Variants in CNTNAP2 observed in about 807,000 individuals in gnomAD.
The protein encoded by CNTNAP2 is contactin-associated protein-like 2.
Under a neutral mutation model 155.2 loss-of-function variants are expected in CNTNAP2, and 98 were observed. The observed-to-expected ratio is 0.63, with a 90% CI of 0.54 to 0.75. The LOEUF is 0.75. Among genes scored for constraint, CNTNAP2 ranks in the 30% least tolerant of loss-of-function variants. The probability of loss-of-function intolerance (pLI) is 0.00; values close to 1 mark genes in which losing one functional copy is unlikely to be tolerated. For missense variants in CNTNAP2, 1,727 were observed against 1,688.1 expected (o/e 1.02, Z -0.40); for synonymous variants, 651 against 631.2 (o/e 1.03, Z -0.47).
intron 13 of CNTNAP2, among the ~76,000 whole-genome samples, chr7:147,831,045 G>T (rs1309883053): frequency 6.6e-6 from 1 of 152,118 alleles, no homozygotes; most frequent in Non-Finnish European, 1.5e-5. Context: ...CAAGTTAGAG[G>T]AATTCTTATT....
At chr7:148,110,068 C>T (rs577886435) in intron 15 of CNTNAP2, among the ~76,000 whole-genome samples, 2 of 150,308 alleles carry the variant, frequency 1.3e-5, no homozygotes, top group South Asian at 4.2e-4. Context: ...CATTATCTTG[C>T]CATGTTTCAA....
intron 17 of CNTNAP2, among the ~76,000 whole-genome samples, chr7:148,156,593 G>A (rs1805403329): frequency 1.3e-5 from 2 of 152,054 alleles, no homozygotes; most frequent in Non-Finnish European, 1.5e-5. Context: ...AATAATTTGT[G>A]CCAATGTCTC....
At chr7:147,137,872 CGTAG>C (rs1412109419) in intron 8 of CNTNAP2, among the ~76,000 whole-genome samples, 126 of 118,636 alleles carry the variant, frequency 1.1e-3, no homozygotes, top group African/African-American at 3.8e-3. Flanking sequence ...TAGATAGATA[CGTAG>C]ATAGATAGAT....
chr7:147,034,033 G>A lies in CNTNAP2; in HGVS notation c.403-9874G>A, dbSNP rs146831916. ...AGATTGCTGGCTAGCTATATTTATAGCTACTCCTTAATTATATGCTAAATA... is the reference window on the plus strand; with the variant it reads ...AGATTGCTGGCTAGCTATATTTATAACTACTCCTTAATTATATGCTAAATA... On this transcript the variant is annotated intron_variant, in intron 3 of 23. Transcript: ENST00000361727. Among the ~76,000 whole-genome samples the A allele has an allele frequency of 4.2e-3, 639 of 152,274 alleles. 2 individuals are homozygous for A. The highest frequency in any genetic ancestry group is 0.014 in the African/African-American group (595 of 41,556).
At position 146,687,189 on chromosome 7, in the gene CNTNAP2, C is replaced by T. The variant is rs1371150262; in HGVS notation, c.98-87082C>T. On this transcript the variant is annotated intron_variant, in intron 1 of 23. Transcript: ENST00000361727. The stretch of plus-strand genomic sequence containing the variant: ...AGCTCTCTAAAGCCACAGAACTTAT[C>T]AAAACTAGTCTTAATATCTGTAAAT... Among the ~76,000 whole-genome samples the T allele has an allele frequency of 2.6e-5, 4 of 152,240 alleles. No homozygotes were observed. In the East Asian group the frequency reaches 7.7e-4, roughly 29 times the overall value.
chr7:146,230,180 C>G (rs1490427775), intron 1 of CNTNAP2, among the ~76,000 whole-genome samples: 1 of 152,102 alleles, frequency 6.6e-6, no homozygotes, highest in East Asian at 1.9e-4. Context: ...AAAAAATGCC[C>G]TAACTATAGG....
chr7:147,184,514 C>A (rs1329690408), intron 8 of CNTNAP2, among the ~76,000 whole-genome samples: 5 of 152,210 alleles, frequency 3.3e-5, no homozygotes, highest in African/African-American at 7.2e-5. Context: ...AAGACAGAGG[C>A]CAGGTAAAGA....
chr7:146,296,394 C>A (rs540326704), intron 1 of CNTNAP2, among the ~76,000 whole-genome samples: 2 of 152,126 alleles, frequency 1.3e-5, no homozygotes, highest in Non-Finnish European at 2.9e-5. Context: ...CCTCCTTTGG[C>A]TGCCCTGCAA....
chr7:146,920,294 A>G (rs1349940353), intron 3 of CNTNAP2, among the ~76,000 whole-genome samples: 1 of 152,034 alleles, frequency 6.6e-6, no homozygotes, highest in African/African-American at 2.4e-5. Context: ...GGTGCCTGTA[A>G]TCTCAGCTAT....
intron 9 of CNTNAP2, among the ~76,000 whole-genome samples, chr7:147,335,340 A>G (rs1795646588): frequency 6.6e-6 from 1 of 152,212 alleles, no homozygotes; most frequent in Non-Finnish European, 1.5e-5. Flanking sequence ...TGCTGCAAAT[A>G]AAGAGAATAG....
intron 15 of CNTNAP2, among the ~76,000 whole-genome samples, chr7:147,987,717 CAG>C (rs1475481993): frequency 6.6e-6 from 1 of 152,034 alleles, no homozygotes; most frequent in Non-Finnish European, 1.5e-5. Context: ...TTTTTTGAGA[CAG>C]AGTCTTGCTC....
intron 15 of CNTNAP2, among the ~76,000 whole-genome samples, chr7:148,098,081 A>T (rs1804010288): frequency 6.6e-6 from 1 of 152,150 alleles, no homozygotes; most frequent in Non-Finnish European, 1.5e-5. Flanking sequence ...GGAAAAAGAC[A>T]GCCCTGCAGT....
chr7:147,018,684 C>T (rs1461496379), intron 3 of CNTNAP2, among the ~76,000 whole-genome samples: 1 of 151,916 alleles, frequency 6.6e-6, no homozygotes, highest in African/African-American at 2.4e-5. Flanking sequence ...GCAATTGCAA[C>T]AATTTGAAAA....
chr7:146,822,133 T>C (rs1803297828), intron 2 of CNTNAP2, among the ~76,000 whole-genome samples: 1 of 152,184 alleles, frequency 6.6e-6, no homozygotes, highest in Non-Finnish European at 1.5e-5. Context: ...TATGGAATAC[T>C]ATGCAGCCAT....
At chr7:146,766,059 C>A (rs1009608088) in intron 1 of CNTNAP2, among the ~76,000 whole-genome samples, 17 of 151,938 alleles carry the variant, frequency 1.1e-4, no homozygotes, top group Admixed American at 6.6e-4. Flanking sequence ...AGAGGGGAAG[C>A]CATCAGGAAG....
intron 9 of CNTNAP2, among the ~76,000 whole-genome samples, chr7:147,309,850 G>A (rs1031516446): frequency 6.6e-6 from 1 of 151,990 alleles, no homozygotes; most frequent in African/African-American, 2.4e-5. Context: ...AATAAGCATA[G>A]TACCATATAA....
rs536150215 is a variant in CNTNAP2, at chr7:146,665,244, C to T, written c.98-109027C>T. 9.9e-5 allele frequency among the ~76,000 whole-genome samples: 15 copies of T among 152,228 alleles called. No homozygotes were observed. The South Asian group carries it at 1.0e-3, about 11-fold the overall frequency. On this transcript the variant is annotated intron_variant, in intron 1 of 23. Transcript: ENST00000361727. ...GATTACAGGCGTGAGCCACCGCGCCCGGCGTCTTGCTATCCTGACATTTAT... is the reference window on the plus strand; with the variant it reads ...GATTACAGGCGTGAGCCACCGCGCCTGGCGTCTTGCTATCCTGACATTTAT...
intron 2 of CNTNAP2, among the ~76,000 whole-genome samples, chr7:146,833,026 T>A (rs1365067135): frequency 6.6e-6 from 1 of 152,144 alleles, no homozygotes; most frequent in Admixed American, 6.6e-5. Flanking sequence ...AGATTATATA[T>A]AATTGGTAGC....
chr7:147,317,537 A>G (rs775016593), intron 9 of CNTNAP2, among the ~76,000 whole-genome samples: 8 of 152,036 alleles, frequency 5.3e-5, no homozygotes, highest in Non-Finnish European at 7.4e-5. Flanking sequence ...ACATTCTACT[A>G]TTTCCTCTGT....
Sources: allele counts gnomAD v4.1 joint callset (sites outside exome capture counted in the v4.1 genomes callset), GRCh38; gene constraint gnomAD v4.1.1; transcripts MANE v1.5; gene names NCBI Gene and HGNC (gene_info 2026-07-23, HGNC 2026-07-21).